The following EFCAB11 variants were observed in gnomAD, a reference collection of about 807,000 sequenced individuals.
The protein encoded by EFCAB11 is EF-hand calcium-binding domain-containing protein 11.
In EFCAB11, 14 loss-of-function variants were observed where a neutral mutation model predicts 23.0. The ratio of observed to expected loss-of-function variants is 0.61; its 90% CI spans 0.40 to 0.95. The LOEUF is 0.95. Among genes scored for constraint, EFCAB11 ranks in the 40% least tolerant of loss-of-function variants. The pLI, the probability that EFCAB11 is intolerant of heterozygous loss-of-function variation, is 0.00. For missense variants in EFCAB11, 198 were observed against 195.8 expected (o/e 1.01, Z -0.07); for synonymous variants, 65 against 66.6 (o/e 0.98, Z 0.11).
At chr14:89,938,573 T>C (rs1270182414) in intron 3 of EFCAB11, among the ~76,000 whole-genome samples, 1 of 151,894 alleles carries the variant, frequency 6.6e-6, no homozygotes, top group African/African-American at 2.4e-5. Flanking sequence ...GAGAAAATAA[T>C]CTACCTTAAT....
intron 5 of EFCAB11, among the ~76,000 whole-genome samples, chr14:89,902,879 A>G (rs1889384864): frequency 6.6e-6 from 1 of 152,214 alleles, no homozygotes; most frequent in African/African-American, 2.4e-5. Context: ...ATTACCTTGT[A>G]CTTTTCTAGC....
At chr14:89,946,163 G>A (rs190446132) in intron 3 of EFCAB11, among the ~76,000 whole-genome samples, 5 of 152,028 alleles carry the variant, frequency 3.3e-5, no homozygotes, top group East Asian at 1.9e-4. Context: ...ATTCGTCTGC[G>A]TTGGCCTCTC....
At chr14:89,824,247 T>C (rs1200081723) in intron 5 of EFCAB11, among the ~76,000 whole-genome samples, 2 of 152,120 alleles carry the variant, frequency 1.3e-5, no homozygotes, top group Non-Finnish European at 2.9e-5. Flanking sequence ...TCAGACACCA[T>C]GGGAACCAGT....
chr14:89,949,243 C>T (rs1891080143), intron 3 of EFCAB11, among the ~76,000 whole-genome samples: 1 of 151,890 alleles, frequency 6.6e-6, no homozygotes, highest in Non-Finnish European at 1.5e-5. Flanking sequence ...CATGTACCAC[C>T]TCTCTATATA....
chr14:89,886,517 C>CAAAAA (rs762288481), intron 5 of EFCAB11, among the ~76,000 whole-genome samples: 4 of 14,898 alleles, frequency 2.7e-4, no homozygotes, highest in Admixed American at 1.3e-3. Context: ...AACTCCGTCT[C>CAAAAA]AAAAAAAAAA....
At chr14:89,803,668 A>G (rs1389404551) in intron 5 of EFCAB11, among the ~76,000 whole-genome samples, 5 of 152,212 alleles carry the variant, frequency 3.3e-5, no homozygotes, top group Non-Finnish European at 7.3e-5. Flanking sequence ...ATTAGGGACA[A>G]AGCTGTCATA....
At chr14:89,819,353 G>C (rs561857655) in intron 5 of EFCAB11, among the ~76,000 whole-genome samples, 2 of 152,254 alleles carry the variant, frequency 1.3e-5, no homozygotes, top group East Asian at 3.9e-4. Flanking sequence ...AGAGGGAAGG[G>C]GGAACAGGGA....
At chr14:89,879,088 T>C (rs1888527285) in intron 5 of EFCAB11, among the ~76,000 whole-genome samples, 1 of 152,136 alleles carries the variant, frequency 6.6e-6, no homozygotes, top group Non-Finnish European at 1.5e-5. Flanking sequence ...CCTCTGATCA[T>C]TACTAAACTG....
intron 5 of EFCAB11, among the ~76,000 whole-genome samples, chr14:89,839,682 C>G (rs962066336): frequency 2.0e-5 from 3 of 152,030 alleles, no homozygotes; most frequent in African/African-American, 7.2e-5. Context: ...TACAGTTCCA[C>G]AGCCTATACA....
intron 5 of EFCAB11, among the ~76,000 whole-genome samples, chr14:89,859,807 G>A (rs965959402): frequency 6.6e-6 from 1 of 152,184 alleles, no homozygotes; most frequent in Admixed American, 6.5e-5. Context: ...GGAACACTCT[G>A]ATCACGTCTG....
intron 5 of EFCAB11, among the ~76,000 whole-genome samples, chr14:89,902,646 T>C (rs116749794): frequency 0.018 from 2,776 of 152,250 alleles, 89 homozygotes; most frequent in African/African-American, 0.063. Flanking sequence ...CAGAGGAAAA[T>C]AGAATACTTA....
At chr14:89,836,880 G>C (rs1887100668) in intron 5 of EFCAB11, 1 of 375,722 alleles carries the variant, frequency 2.7e-6, no homozygotes, top group Admixed American at 3.6e-5. Context: ...TTAGGCGGCT[G>C]TGATGGCGCA....
At chr14:89,828,040 A>C (rs890399015) in intron 5 of EFCAB11, among the ~76,000 whole-genome samples, 1 of 152,188 alleles carries the variant, frequency 6.6e-6, no homozygotes, top group Non-Finnish European at 1.5e-5. Context: ...AGTTATCTGG[A>C]ATACAGGACT....
At position 89,807,591 on chromosome 14, in the gene EFCAB11, CCCT is replaced by C. The variant is rs571883096; in HGVS notation, c.411-10270_411-10268del. On this transcript the variant is annotated intron_variant, in intron 5 of 5. Coordinates refer to ENST00000316738, the MANE Select transcript of EFCAB11 (RefSeq NM_145231.4). ...ATAAATATCAAGCCATTTGTAAATG[CCCT>C]CCTAATTACATTGTTAGCCATTGTT... Among the ~76,000 whole-genome samples the C allele has an allele frequency of 1.9e-3, 289 of 152,244 alleles. 2 individuals carry two copies. The highest frequency in any genetic ancestry group is 3.0e-3 in the Non-Finnish European group (206 of 68,014).
intron 5 of EFCAB11, among the ~76,000 whole-genome samples, chr14:89,843,782 C>T (rs6575088): frequency 0.65 from 99,231 of 152,062 alleles, 34,181 homozygotes; most frequent in Non-Finnish European, 0.79. Context: ...CTGACTTAAA[C>T]GGATCTTCTA....
chr14:89,926,417 T>G lies in EFCAB11; in HGVS notation c.410+5124A>C, dbSNP rs550895369. Among the ~76,000 whole-genome samples the G allele has an allele frequency of 5.9e-5, 9 of 152,182 alleles. No homozygotes were observed. In the South Asian group the frequency reaches 1.9e-3, roughly 32 times the overall value. On this transcript the variant is annotated intron_variant, in intron 5 of 5. Transcript: ENST00000316738. ...ACAAAGACCTCTATAAAACAAGAGC[T>G]GAAAGTAGGTAGGGGAGCTACTACA...
At chr14:89,901,471 AGTGGACTCATCC>A (rs1452707760) in intron 5 of EFCAB11, among the ~76,000 whole-genome samples, 1 of 152,226 alleles carries the variant, frequency 6.6e-6, no homozygotes, top group Non-Finnish European at 1.5e-5. Flanking sequence ...AAATGGCCCA[AGTGGACTCATCC>A]GTTTCTTGGG....
At chr14:89,934,889 C>A (rs1286024195) in intron 3 of EFCAB11, among the ~76,000 whole-genome samples, 1 of 152,062 alleles carries the variant, frequency 6.6e-6, no homozygotes, top group Non-Finnish European at 1.5e-5. Flanking sequence ...AATGGCATGT[C>A]CTAGGAGACC....
chr14:89,927,291 T>C (rs10135122), intron 5 of EFCAB11, among the ~76,000 whole-genome samples: 4,185 of 152,290 alleles, frequency 0.027, 215 homozygotes, highest in African/African-American at 0.094. Context: ...TAGAAATTTC[T>C]TTGGGAAGAA....
Sources: gnomAD v4.1 joint callset for allele counts (sites outside exome capture counted in the v4.1 genomes callset) on GRCh38, gnomAD v4.1.1 for gene constraint, MANE v1.5 for transcripts, NCBI Gene and HGNC (gene_info 2026-07-23, HGNC 2026-07-21) for gene names.